KAT6B: variants seen among roughly 807,000 people sequenced by gnomAD.
KAT6B encodes the protein lysine acetyltransferase 6B.
A neutral mutation model predicts 187.5 loss-of-function variants in KAT6B; 10 were observed. That is an observed-to-expected ratio of 0.05 (90% CI 0.03 to 0.09). KAT6B has a LOEUF of 0.09. KAT6B is among the 10% of genes least tolerant of loss of function. The pLI is 1.00. For synonymous variants in KAT6B, 861 were observed against 926.8 expected (o/e 0.93, Z 1.29); for missense variants, 1,952 against 2,558.9 (o/e 0.76, Z 5.12).
chr10:74,859,207 A>G lies in KAT6B; in HGVS notation c.621+15729A>G, dbSNP rs376385508. Reference sequence around the variant, plus strand: ...GCAATTCTCATGCCTCAGCCTCCTGAGTAGCTGGAATTACAGGTGCCTGCT... The same window carrying G: ...GCAATTCTCATGCCTCAGCCTCCTGGGTAGCTGGAATTACAGGTGCCTGCT... On this transcript the variant is annotated intron_variant, in intron 3 of 17. Transcript: ENST00000287239. Among the ~76,000 whole-genome samples the G allele has an allele frequency of 7.9e-5, 12 of 152,090 alleles. No homozygotes were observed. The East Asian group carries it at 1.4e-3, about 17-fold the overall frequency.
chr10:74,862,374 A>G (rs958836498), intron 3 of KAT6B, among the ~76,000 whole-genome samples: 1 of 152,114 alleles, frequency 6.6e-6, no homozygotes, highest in Admixed American at 6.6e-5. Context: ...CTCCTTCAGC[A>G]GGTCATTTGA....
At chr10:74,942,034 C>T (rs1849702108) in intron 3 of KAT6B, among the ~76,000 whole-genome samples, 1 of 152,160 alleles carries the variant, frequency 6.6e-6, no homozygotes, top group Non-Finnish European at 1.5e-5. Flanking sequence ...CCTGTAATCC[C>T]AGCTACTCAG....
intron 13 of KAT6B, among the ~76,000 whole-genome samples, chr10:75,007,244 G>A (rs1844275136): frequency 6.6e-6 from 1 of 152,032 alleles, no homozygotes; most frequent in Non-Finnish European, 1.5e-5. Context: ...CCAGTGGATG[G>A]AACCCAAGTC....
At chr10:75,020,539 G>A in intron 13 of KAT6B, 43 bp from the exon 14 acceptor site, 1 of 1,366,648 alleles carries the variant, frequency 7.3e-7, no homozygotes, top group Non-Finnish European at 1.0e-6. Context: ...TAAGCTCTGG[G>A]AATGCCACAG....
chr10:75,029,643 C>A lies in KAT6B; in HGVS notation c.4819C>A (p.Pro1607Thr). 1 of 1,614,198 alleles carries A rather than the reference C, an allele frequency of 6.2e-7. No homozygotes were observed. ...CCCAGTTTCATCCGTCCACTCCCAT[C>A]CTGGCCAGTCCGTACGTTCTGTCAA... Reference protein sequence around the residue: ...SSPVSSVHSHPGQSVRSVNSP... With the variant: ...SSPVSSVHSHTGQSVRSVNSP... Residue 1607 changes from proline (P) to threonine (T), a missense_variant, in exon 18 of 18, where the codon CCT becomes ACT. Pro to Thr is a conservative substitution (Grantham distance 38, BLOSUM62 -1). Coordinates refer to ENST00000287239, the MANE Select transcript of KAT6B (RefSeq NM_012330.4). This position sits in a 1 kb window ranked among gnomAD's most constrained non-coding sequence, Gnocchi z 6.2.
chr10:75,021,051 G>C, intron 14 of KAT6B, 75 bp from the exon 15 acceptor site: 2 of 1,393,084 alleles, frequency 1.4e-6, no homozygotes, highest in Non-Finnish European at 2.0e-6. Context: ...ATTAGTGCTA[G>C]CATATGTCCG....
At chr10:74,871,107 C>G (rs919752817) in intron 3 of KAT6B, among the ~76,000 whole-genome samples, 3 of 147,690 alleles carry the variant, frequency 2.0e-5, no homozygotes, top group African/African-American at 7.5e-5. Flanking sequence ...GTCTCAAACT[C>G]CTGACCTCAC....
rs1845722718 is a variant in KAT6B at position 75,025,140 on chromosome 10, G to A, written c.3555G>A (p.Arg1185=). The A allele has an allele frequency of 1.2e-6, 2 of 1,614,250 alleles. No individual in the cohort carries two copies. The highest frequency in any genetic ancestry group is 1.7e-6 in the Non-Finnish European group (2 of 1,180,046). Residue 1185 remains arginine (R), a synonymous_variant, in exon 17 of 18, where the codon AGG becomes AGA. Coordinates refer to ENST00000287239, the MANE Select transcript of KAT6B (RefSeq NM_012330.4). ...TCEIEVEEDG[R]KPVLRKAFQH... The stretch of plus-strand genomic sequence containing the variant: ...AGATTGAAGTGGAGGAAGATGGCAG[G>A]AAGCCAGTCCTGAGAAAAGCATTCC...
rs761192662 is a variant in KAT6B, at chr10:75,032,223, AAAAAAAC to A, written c.*1188_*1194del. 4.2e-5 allele frequency: 8 copies of A among 191,266 alleles called. No individual in the cohort carries two copies. The highest frequency in any genetic ancestry group is 7.7e-5 in the Non-Finnish European group (7 of 91,186). 11.8% of individuals were successfully genotyped at this position (191,266 alleles called of 1,614,324 possible). On this transcript the variant is annotated 3_prime_UTR_variant, in exon 18 of 18. Transcript: ENST00000287239. ...TGTTCTCTTTTTAGTCAGTCACTTC[AAAAAAAC>A]AAAAAACAAACAAAAAAAAGCTGTA...
At chr10:74,931,659 G>T (rs1218763718) in intron 3 of KAT6B, among the ~76,000 whole-genome samples, 1 of 152,164 alleles carries the variant, frequency 6.6e-6, no homozygotes, top group Non-Finnish European at 1.5e-5. Flanking sequence ...AAAAGGGATG[G>T]AAGATCTGGC....
chr10:74,972,490 T>C lies in KAT6B; in HGVS notation c.929-17T>C. The C allele has an allele frequency of 6.5e-7, 1 of 1,527,044 alleles. No homozygotes were observed. Among genetic ancestry groups the C allele is most frequent in the Non-Finnish European group, 9.0e-7 (1 of 1,108,306 alleles). The allele number at this position is 1,527,044 out of a possible 1,614,324, so 94.6% of individuals were successfully genotyped here. On this transcript the variant is annotated splice_polypyrimidine_tract_variant and intron_variant, in intron 6 of 17. Coordinates refer to ENST00000287239, the MANE Select transcript of KAT6B (RefSeq NM_012330.4). ...ATGAAACATTAAAATATTTTTCTCATATATATATTAATTCAGGGATGTGGA... is the reference window on the plus strand; with the variant it reads ...ATGAAACATTAAAATATTTTTCTCACATATATATTAATTCAGGGATGTGGA...
chr10:74,988,986 C>T (rs894480986), intron 12 of KAT6B, 33 bp from the exon 13 acceptor site: 3 of 1,479,172 alleles, frequency 2.0e-6, no homozygotes, highest in African/African-American at 2.8e-5. Flanking sequence ...CAGCAGGGCT[C>T]TGACATACTT....
chr10:74,875,107 AATATTTTGT>A (rs1589525030), intron 3 of KAT6B, among the ~76,000 whole-genome samples: 1 of 152,328 alleles, frequency 6.6e-6, no homozygotes, highest in East Asian at 1.9e-4. Context: ...CATGTTTAAA[AATATTTTGT>A]ATTAGATAAA....
intron 1 of KAT6B, among the ~76,000 whole-genome samples, chr10:74,834,089 G>A (rs1463549641): frequency 1.3e-5 from 2 of 152,170 alleles, no homozygotes; most frequent in Non-Finnish European, 2.9e-5. Context: ...GTGTGTGTAT[G>A]TGCATGCCCT....
chr10:74,851,707 G>A (rs1842494025), intron 3 of KAT6B, among the ~76,000 whole-genome samples: 1 of 152,096 alleles, frequency 6.6e-6, no homozygotes, highest in African/African-American at 2.4e-5. Context: ...TGTTATGTGT[G>A]GTCTTGGCTT....
rs561212575 is a variant in KAT6B at position 74,959,621 on chromosome 10, C to T, written c.622-349C>T. The stretch of plus-strand genomic sequence containing the variant: ...CCTGGCCAACATGGTGAAACCCCAT[C>T]TCTACTAAAATACAAAAAATTAGCC... On this transcript the variant is annotated intron_variant, in intron 3 of 17. Transcript: ENST00000287239. Among the ~76,000 whole-genome samples, 5 of 152,264 alleles carry T rather than the reference C, an allele frequency of 3.3e-5. No homozygotes were observed. In the South Asian group the frequency reaches 1.0e-3, roughly 32 times the overall value.
chr10:74,947,822 G>T (rs1840056747), intron 3 of KAT6B, among the ~76,000 whole-genome samples: 1 of 152,200 alleles, frequency 6.6e-6, no homozygotes, highest in Admixed American at 6.5e-5. Flanking sequence ...CTTTGCTGCA[G>T]CTTGTATTAG....
intron 3 of KAT6B, among the ~76,000 whole-genome samples, chr10:74,941,064 C>T (rs1168904866): frequency 1.3e-5 from 2 of 152,140 alleles, no homozygotes; most frequent in African/African-American, 4.8e-5. Flanking sequence ...GGTAATTCAT[C>T]AGAATCAGGT....
At chr10:74,837,769 G>A (rs1196831933) in intron 1 of KAT6B, among the ~76,000 whole-genome samples, 3 of 151,948 alleles carry the variant, frequency 2.0e-5, no homozygotes, top group Non-Finnish European at 4.4e-5. Context: ...AATATACAAA[G>A]TGGATAATAT....
Sources: gnomAD v4.1 joint callset for allele counts (sites outside exome capture counted in the v4.1 genomes callset) on GRCh38, gnomAD v4.1.1 for gene constraint, Gnocchi (gnomAD v3.1) non-coding constraint, MANE v1.5 for transcripts, NCBI Gene and HGNC (gene_info 2026-07-23, HGNC 2026-07-21) for gene names.